The following METTL14 variants were observed in gnomAD, a reference collection of about 807,000 sequenced individuals.
The protein encoded by METTL14 is methyltransferase 14, N6-adenosine-methyltransferase non-catalytic subunit.
In METTL14, 32 loss-of-function variants were observed where a neutral mutation model predicts 62.4. The ratio of observed to expected loss-of-function variants is 0.51; its 90% CI spans 0.39 to 0.69. METTL14 has a LOEUF of 0.69. Among genes scored for constraint, METTL14 ranks in the 30% least tolerant of loss-of-function variants. The probability of loss-of-function intolerance (pLI) is 0.00; values close to 1 mark genes in which losing one functional copy is unlikely to be tolerated. For missense variants in METTL14, 340 were observed against 551.9 expected, an observed-to-expected ratio of 0.62 and a Z score of 3.85; for synonymous variants, 150 against 180.0, an observed-to-expected ratio of 0.83 and a Z score of 1.34.
rs1217094560 is a variant in METTL14 at position 118,703,934 on chromosome 4, G to A, written c.739-1G>A. ...TGTGTTTAAAATTCTTTTGTTTCTA[G>A]TGTTTACGAAAATGGGGTTACAGAA... On this transcript the variant is annotated splice_acceptor_variant, in intron 8 of 10. Transcript: ENST00000388822. LOFTEE classifies it high-confidence loss of function. 6.6e-7 allele frequency: 1 copy of A among 1,505,938 alleles called. No homozygotes were observed. The highest frequency in any genetic ancestry group is 1.4e-5 in the African/African-American group (1 of 70,238). 93.3% of individuals were successfully genotyped at this position (1,505,938 alleles called of 1,614,324 possible).
At chr4:118,697,103 C>T (rs112445675) in intron 6 of METTL14, 79 bp from the exon 7 acceptor site, 1 of 1,037,966 alleles carries the variant, frequency 9.6e-7, no homozygotes, top group East Asian at 2.5e-5. Context: ...TCTTTCATTA[C>T]CATCTGTTAA....
Position 118,685,555 on chromosome 4 carries a change from G to A in METTL14, c.21G>A (p.Glu7=). 1 of 1,614,172 alleles carries A rather than the reference G, an allele frequency of 6.2e-7. No homozygotes were observed. Among genetic ancestry groups the A allele is most frequent in the Non-Finnish European group, 8.5e-7 (1 of 1,180,028 alleles). The change falls in exon 1 of 11, where the codon GAG becomes GAA. Residue 7 remains glutamate, a synonymous_variant. Coordinates refer to ENST00000388822, the MANE Select transcript of METTL14 (RefSeq NM_020961.4). MDSRLQ[E]IRERQKLRRQ... ...GGAACATGGATAGCCGCTTGCAGGA[G>A]ATCCGGGAGCGGCAGAAGTTACGGC... is the stretch of plus-strand genomic sequence containing the variant.
chr4:118,688,742 C>T (rs994687343), intron 2 of METTL14, among the ~76,000 whole-genome samples: 3 of 152,072 alleles, frequency 2.0e-5, no homozygotes, highest in East Asian at 1.9e-4. Context: ...GGCGCAATCT[C>T]GGCTCACTGC....
rs1279931730 is a variant in METTL14 at position 118,714,927 on chromosome 4, C to T, written c.*4625C>T. 6.6e-6 allele frequency: 1 copy of T among 152,220 alleles called. No individual in the cohort carries two copies. Among genetic ancestry groups the T allele is most frequent in the Non-Finnish European group, 1.5e-5 (1 of 68,044 alleles). The allele number at this position is 152,220 out of a possible 1,614,324, so 9.4% of individuals were successfully genotyped here. A position where few individuals can be genotyped will look rare whatever the true frequency, so the allele number is the denominator to read the frequency against. On this transcript the variant is annotated 3_prime_UTR_variant, in exon 11 of 11. Coordinates refer to ENST00000388822, the MANE Select transcript of METTL14 (RefSeq NM_020961.4). ...ATTATGCATGCATTGTAGCTGTATA[C>T]TGTGTGACCACATTTACTTAAAAAA...
chr4:118,686,604 T>C (rs1724068968), intron 1 of METTL14: 2 of 456,152 alleles, frequency 4.4e-6, no homozygotes, highest in Admixed American at 4.7e-5. Context: ...TGTTCCTTTG[T>C]TCCTTATCCC....
rs1724021939 is a variant in METTL14, at chr4:118,685,589, C to T, written c.55C>T (p.Leu19Phe). 1.2e-6 allele frequency: 2 copies of T among 1,614,026 alleles called. No individual in the cohort carries two copies. Among genetic ancestry groups the T allele is most frequent in the African/African-American group, 2.7e-5 (2 of 75,020 alleles). ...GCGGCAGAAGTTACGGCGACAGCTC[C>T]TCGCGCAGCAGGTCCGCGGCCCTGG... ...RERQKLRRQL[L>F]AQQLGAESAD... is the part of the protein sequence containing the mutation. The change falls in exon 1 of 11, where the codon CTC becomes TTC. Residue 19 changes from leucine to phenylalanine, a missense_variant. Coordinates refer to ENST00000388822, the MANE Select transcript of METTL14 (RefSeq NM_020961.4).
chr4:118,685,666 CCA>C, intron 1 of METTL14, 66 bp downstream of exon 1: 2 of 1,367,602 alleles, frequency 1.5e-6, no homozygotes, highest in South Asian at 2.4e-5. Context: ...CCTCCTCCCT[CCA>C]CACCCCGCCT....
At chr4:118,697,446 TAGTGTA>T (rs1724448394) in intron 7 of METTL14, 123 bp downstream of exon 7, 1 of 831,246 alleles carries the variant, frequency 1.2e-6, no homozygotes, top group South Asian at 2.3e-5. Flanking sequence ...TGTAGATTTA[TAGTGTA>T]AATTATAGCT....
chr4:118,705,757 T>A lies in METTL14; in HGVS notation c.1002T>A (p.Ile334=), dbSNP rs1446020272. 1 of 1,614,142 alleles carries A rather than the reference T, an allele frequency of 6.2e-7. No individual in the cohort carries two copies. The highest frequency in any genetic ancestry group is 1.7e-5 in the Admixed American group (1 of 60,028). ...IEKPVEIFHI[I]EHFCLGRRRL... ...AACCTGTAGAAATTTTTCATATAAT[T>A]GAGCATTTTTGTCTTGGTAGAAGAC... Residue 334 remains isoleucine (I), a synonymous_variant, in exon 10 of 11, where the codon ATT becomes ATA. Coordinates refer to ENST00000388822, the MANE Select transcript of METTL14 (RefSeq NM_020961.4).
chr4:118,709,381 T>C (rs1051920541), intron 10 of METTL14, among the ~76,000 whole-genome samples: 1 of 152,222 alleles, frequency 6.6e-6, no homozygotes. Flanking sequence ...CTTTAGGCTT[T>C]CCACTTTTAG....
chr4:118,686,037 C>G (rs1220189097), intron 1 of METTL14, among the ~76,000 whole-genome samples: 1 of 152,190 alleles, frequency 6.6e-6, no homozygotes, highest in Non-Finnish European at 1.5e-5. Flanking sequence ...TTTCTGAAGA[C>G]AACACTGGAA....
At chr4:118,694,337 G>A (rs1370203294) in intron 5 of METTL14, 99 bp from the exon 6 acceptor site, 10 of 731,690 alleles carry the variant, frequency 1.4e-5, no homozygotes, top group Admixed American at 5.6e-5. Context: ...CAAGTGGCAT[G>A]TGTATTATTT....
chr4:118,707,857 A>G (rs1042047623), intron 10 of METTL14, among the ~76,000 whole-genome samples: 1 of 148,542 alleles, frequency 6.7e-6, no homozygotes, highest in African/African-American at 2.5e-5. Flanking sequence ...TTTTTTTGAG[A>G]CAGGTTCTCA....
chr4:118,701,014 C>A (rs1388260891), intron 8 of METTL14, among the ~76,000 whole-genome samples: 3 of 151,932 alleles, frequency 2.0e-5, no homozygotes, highest in Non-Finnish European at 4.4e-5. Flanking sequence ...GGAGCATTGG[C>A]TCCTGAAATC....
At chr4:118,696,082 G>A (rs992109230) in intron 6 of METTL14, among the ~76,000 whole-genome samples, 8 of 114,286 alleles carry the variant, frequency 7.0e-5, no homozygotes, top group Admixed American at 1.3e-4. Flanking sequence ...TTGTGCCACT[G>A]CACTCCAGCC....
intron 7 of METTL14, 23 bp downstream of exon 7, chr4:118,697,346 G>A: frequency 6.4e-7 from 1 of 1,559,546 alleles, no homozygotes; most frequent in South Asian, 1.2e-5. Context: ...TTTCTACATT[G>A]TAATGAATTA....
intron 3 of METTL14, among the ~76,000 whole-genome samples, chr4:118,689,960 A>G (rs1724194562): frequency 6.7e-6 from 1 of 149,046 alleles, no homozygotes; most frequent in Non-Finnish European, 1.5e-5. Context: ...TTAATGCAAG[A>G]GTTATGTGGA....
In METTL14 at chr4:118,688,759, C is replaced by T. The variant is rs1410629103; in HGVS notation, c.156-611C>T. 7.9e-5 allele frequency among the ~76,000 whole-genome samples: 12 copies of T among 152,170 alleles called. No individual in the cohort carries two copies. In the East Asian group the frequency reaches 9.7e-4, roughly 12 times the overall value. On this transcript the variant is annotated intron_variant, in intron 2 of 10. Transcript: ENST00000388822. ...CGCAATCTCGGCTCACTGCAACCTC[C>T]GCCTCCAGGGTTGAAGCAATTCTCC...
At chr4:118,695,343 G>A (rs968189242) in intron 6 of METTL14, among the ~76,000 whole-genome samples, 8 of 151,376 alleles carry the variant, frequency 5.3e-5, no homozygotes, top group African/African-American at 1.9e-4. Flanking sequence ...GAGGTCAGGA[G>A]TTTGAGACCA....
Sources: gnomAD v4.1 joint callset for allele counts (sites outside exome capture counted in the v4.1 genomes callset) on GRCh38, gnomAD v4.1.1 for gene constraint, MANE v1.5 for transcripts, NCBI Gene and HGNC (gene_info 2026-07-23, HGNC 2026-07-21) for gene names.